The following COL4A6 variants were observed in gnomAD, a reference collection of about 807,000 sequenced individuals.
COL4A6 encodes collagen alpha-6(IV) chain.
Under a neutral mutation model 126.7 loss-of-function variants are expected in COL4A6, and 59 were observed. The ratio of observed to expected loss-of-function variants is 0.47; its 90% CI spans 0.38 to 0.58. The LOEUF is 0.58. Ranked by LOEUF, COL4A6 falls within the 20% of genes least tolerant of loss-of-function variation. COL4A6 has a pLI of 0.00. For missense variants in COL4A6, 1,285 were observed against 1,337.3 expected, an observed-to-expected ratio of 0.96 and a Z score of 0.61; for synonymous variants, 547 against 496.6, an observed-to-expected ratio of 1.10 and a Z score of -1.35.
intron 3 of COL4A6, among the ~76,000 whole-genome samples, chrX:108,246,689 T>C (rs1446613010): frequency 9.0e-6 from 1 of 111,149 alleles, no homozygotes; most frequent in Admixed American, 9.6e-5. Flanking sequence ...ACTACTGTGA[T>C]TGAACTCTGG....
intron 3 of COL4A6, among the ~76,000 whole-genome samples, chrX:108,273,084 C>T (rs974143264): frequency 2.7e-5 from 3 of 110,334 alleles, no homozygotes; most frequent in African/African-American, 9.9e-5. Context: ...TCCCTCCCCG[C>T]TCCCTCCACC....
intron 2 of COL4A6, among the ~76,000 whole-genome samples, chrX:108,401,424 T>G (rs748413857): frequency 9.1e-6 from 1 of 110,468 alleles, no homozygotes; most frequent in South Asian, 3.8e-4. Context: ...TATAAGGCTG[T>G]TAGGGAGATT....
chrX:108,382,259 T>TA (rs750829035), intron 2 of COL4A6, among the ~76,000 whole-genome samples: 169 of 112,376 alleles, frequency 1.5e-3, no homozygotes, highest in Non-Finnish European at 2.7e-3. Flanking sequence ...ATTTGTCTCT[T>TA]ACTTGCTATG....
chrX:108,161,471 G>C (rs2033932161), intron 42 of COL4A6, 148 bp downstream of exon 42: 3 of 442,581 alleles, frequency 6.8e-6, no homozygotes, highest in South Asian at 7.5e-5. Context: ...AATGGACTTA[G>C]AGCCCAGTTT....
intron 42 of COL4A6, 129 bp from the exon 43 acceptor site, chrX:108,160,783 C>G: frequency 1.6e-6 from 1 of 607,395 alleles, no homozygotes; most frequent in Admixed American, 4.9e-5. Context: ...TCACGATGAC[C>G]CTGGAAAATG....
intron 2 of COL4A6, among the ~76,000 whole-genome samples, chrX:108,399,255 T>G (rs1266365342): frequency 9.0e-6 from 1 of 111,539 alleles, no homozygotes; most frequent in African/African-American, 3.3e-5. Flanking sequence ...CTCATTCAGT[T>G]TAATTTAACA....
At chrX:108,332,192 T>A (rs2039318439) in intron 2 of COL4A6, among the ~76,000 whole-genome samples, 1 of 111,872 alleles carries the variant, frequency 8.9e-6, no homozygotes, top group Non-Finnish European at 1.9e-5. Context: ...TTCCATTCTT[T>A]TTTGTGGCTG....
chrX:108,254,458 T>C (rs2036939097), intron 3 of COL4A6, among the ~76,000 whole-genome samples: 1 of 111,777 alleles, frequency 8.9e-6, no homozygotes, highest in South Asian at 3.7e-4. Flanking sequence ...AAAGCACTTC[T>C]AGACAGTTGC....
At chrX:108,363,532 T>C (rs1394555900) in intron 2 of COL4A6, among the ~76,000 whole-genome samples, 1 of 112,273 alleles carries the variant, frequency 8.9e-6, no homozygotes, top group Non-Finnish European at 1.9e-5. Flanking sequence ...ACACCACTAG[T>C]AAGTAGAAGA....
chrX:108,286,774 G>A (rs1356663819), intron 3 of COL4A6, among the ~76,000 whole-genome samples: 2 of 110,824 alleles, frequency 1.8e-5, no homozygotes, highest in African/African-American at 6.6e-5. Context: ...GTCTCACTAT[G>A]TTGCCCAGGC....
At position 108,269,148 on chromosome X, in the gene COL4A6, T is replaced by C; in HGVS notation, c.144+41600A>G. 3 of 335,470 alleles carry C rather than the reference T, an allele frequency of 8.9e-6. No homozygotes were observed. In the Middle Eastern group the frequency reaches 1.3e-3, roughly 147 times the overall value. 27.6% of individuals were successfully genotyped at this position (335,470 alleles called of 1,213,427 possible). A position where few individuals can be genotyped will look rare whatever the true frequency, so the allele number is the denominator to read the frequency against. ...AGCCATATCATTCAGTAGCTGCAAG[T>C]TGTGCTGCAGACAAAAAAAAAATAA... On this transcript the variant is annotated intron_variant, in intron 3 of 44. Coordinates refer to ENST00000334504, the MANE Select transcript of COL4A6 (RefSeq NM_033641.4).
chrX:108,300,724 C>CGT (rs58203884), intron 3 of COL4A6, among the ~76,000 whole-genome samples: 3,158 of 92,320 alleles, frequency 0.034, 56 homozygotes, highest in Middle Eastern at 0.066. Flanking sequence ...CAAACATTGG[C>CGT]GTGTGTGTGT....
rs2039263251 is a variant in COL4A6 at position 108,330,170 on chromosome X, C to T, written c.64-19342G>A. On this transcript the variant is annotated intron_variant, in intron 2 of 44. Transcript: ENST00000334504. Reference sequence around the variant, plus strand: ...GGAAAAAGCCCTGACGAACATCTACCTTAAAGATCTGTGCAGAGAAAGTAG... The same window carrying T: ...GGAAAAAGCCCTGACGAACATCTACTTTAAAGATCTGTGCAGAGAAAGTAG... Among the ~76,000 whole-genome samples the T allele has an allele frequency of 2.7e-5, 3 of 110,787 alleles. No homozygotes were observed. In the South Asian group the frequency reaches 1.1e-3, roughly 42 times the overall value.
At chrX:108,289,437 G>A (rs771021561) in intron 3 of COL4A6, among the ~76,000 whole-genome samples, 1 of 111,415 alleles carries the variant, frequency 9.0e-6, no homozygotes, top group East Asian at 2.8e-4. Context: ...TAGGTGAAAG[G>A]TATATGGGTG....
intron 23 of COL4A6, among the ~76,000 whole-genome samples, chrX:108,183,037 G>T (rs781029093): frequency 2.6e-4 from 29 of 112,213 alleles, no homozygotes; most frequent in African/African-American, 9.1e-4. Flanking sequence ...CAATAATTTT[G>T]TCTTATGCCT....
chrX:108,360,577 C>T (rs1192732233), intron 2 of COL4A6, among the ~76,000 whole-genome samples: 1 of 100,044 alleles, frequency 1.0e-5, no homozygotes, highest in Non-Finnish European at 2.0e-5. Flanking sequence ...GCTCTTGTCA[C>T]TCAGGTTGGA....
chrX:108,234,096 T>C (rs1032545073), intron 3 of COL4A6, among the ~76,000 whole-genome samples: 1 of 111,619 alleles, frequency 9.0e-6, no homozygotes, highest in Non-Finnish European at 1.9e-5. Context: ...CAAGTTTACG[T>C]TGGTGAAGTG....
chrX:108,241,550 AATATAT>A (rs764751621), intron 3 of COL4A6, among the ~76,000 whole-genome samples: 2 of 96,798 alleles, frequency 2.1e-5, no homozygotes, highest in African/African-American at 3.7e-5. Flanking sequence ...TATAATAGTA[AATATAT>A]ATATATATAT....
At chrX:108,417,607 G>A (rs2041458709) in intron 2 of COL4A6, among the ~76,000 whole-genome samples, 1 of 111,370 alleles carries the variant, frequency 9.0e-6, no homozygotes, top group African/African-American at 3.3e-5. Context: ...TGTAATATAG[G>A]TATAATTTTT....
Sources: gnomAD v4.1 joint callset for allele counts (sites outside exome capture counted in the v4.1 genomes callset) on GRCh38, gnomAD v4.1.1 for gene constraint, MANE v1.5 for transcripts, NCBI Gene and HGNC (gene_info 2026-07-23, HGNC 2026-07-21) for gene names.